The following CYTH3 variants were observed in gnomAD, a reference collection of about 807,000 sequenced individuals.
CYTH3 encodes cytohesin 3.
CYTH3 carries 23 observed loss-of-function variants against 55.1 expected under a neutral mutation model. The observed-to-expected ratio is 0.42, with a 90% CI of 0.30 to 0.59. The LOEUF (loss-of-function observed/expected upper bound fraction) is 0.59. CYTH3 is among the 20% of genes least tolerant of loss of function. The pLI, the probability that CYTH3 is intolerant of heterozygous loss-of-function variation, is 0.20. For missense variants in CYTH3, 413 were observed against 524.8 expected, an observed-to-expected ratio of 0.79 and a Z score of 2.08; for synonymous variants, 249 against 194.9, an observed-to-expected ratio of 1.28 and a Z score of -2.31.
intron 1 of CYTH3, among the ~76,000 whole-genome samples, chr7:6,253,916 C>G (rs528310132): frequency 6.6e-6 from 1 of 151,734 alleles, no homozygotes; most frequent in South Asian, 2.1e-4. Flanking sequence ...TCACTTGAAC[C>G]CGGGAGGCAG....
intron 1 of CYTH3, among the ~76,000 whole-genome samples, chr7:6,233,622 C>T (rs1289765132): frequency 2.7e-5 from 4 of 149,436 alleles, no homozygotes; most frequent in Non-Finnish European, 4.4e-5. Context: ...CGCCACTGCA[C>T]TCCAGCCTGG....
At chr7:6,186,819 G>A (rs183740104) in intron 4 of CYTH3, among the ~76,000 whole-genome samples, 3 of 152,288 alleles carry the variant, frequency 2.0e-5, no homozygotes, top group Admixed American at 2.0e-4. Context: ...TCCTCACCCA[G>A]CAGCTCACTC....
At chr7:6,166,016 A>T (rs1031318874) in intron 9 of CYTH3, among the ~76,000 whole-genome samples, 1 of 152,162 alleles carries the variant, frequency 6.6e-6, no homozygotes, top group Non-Finnish European at 1.5e-5. Context: ...CACGGCACTG[A>T]TGGGCCCCTT....
At chr7:6,207,054 C>T (rs544720102) in intron 1 of CYTH3, among the ~76,000 whole-genome samples, 4 of 148,456 alleles carry the variant, frequency 2.7e-5, no homozygotes, top group Non-Finnish European at 6.0e-5. Flanking sequence ...CCATAAGAAA[C>T]ATTCCAATTT....
chr7:6,189,594 C>G (rs907574139), intron 2 of CYTH3, among the ~76,000 whole-genome samples: 1 of 152,016 alleles, frequency 6.6e-6, no homozygotes, highest in East Asian at 1.9e-4. Context: ...CAGGTGTGAG[C>G]CGCTGTGCCC....
In CYTH3 at chr7:6,165,610, CCTT is replaced by C; in HGVS notation, c.904_906del (p.Lys302del). 1.2e-6 allele frequency: 2 copies of C among 1,614,032 alleles called. No individual in the cohort carries two copies. Among genetic ancestry groups the C allele is most frequent in the Non-Finnish European group, 1.7e-6 (2 of 1,179,958 alleles). The stretch of plus-strand genomic sequence containing the variant: ...TCCAACGGGATGATTCCCCTGGGCT[CCTT>C]ATCCTACAAGAGGAAAGTACACGGC... On this transcript the variant is annotated inframe_deletion, in exon 11 of 13. Transcript: ENST00000350796.
intron 1 of CYTH3, among the ~76,000 whole-genome samples, chr7:6,261,100 CTG>C (rs959491093): frequency 1.3e-4 from 20 of 152,338 alleles, no homozygotes; most frequent in Non-Finnish European, 2.1e-4. Context: ...AGTGAGGACT[CTG>C]GAGGCCAGGA....
chr7:6,184,222 G>A (rs536506858), intron 4 of CYTH3, among the ~76,000 whole-genome samples: 63 of 151,104 alleles, frequency 4.2e-4, no homozygotes, highest in Non-Finnish European at 7.2e-4. Flanking sequence ...CACCACACCC[G>A]GCTAATTTTT....
intron 1 of CYTH3, among the ~76,000 whole-genome samples, chr7:6,204,260 G>A (rs1334542274): frequency 6.6e-6 from 1 of 152,188 alleles, no homozygotes; most frequent in African/African-American, 2.4e-5. Context: ...TCAAGCACAT[G>A]TGAAAAAAGA....
chr7:6,269,777 T>C (rs1462350262), intron 1 of CYTH3, among the ~76,000 whole-genome samples: 4 of 152,200 alleles, frequency 2.6e-5, no homozygotes, highest in African/African-American at 9.7e-5. Flanking sequence ...TTATCTTGCA[T>C]TGAAAGAACA....
rs1409242756 is a variant in CYTH3, at chr7:6,165,313, G to A, written c.1087C>T (p.Pro363Ser). The A allele has an allele frequency of 1.2e-6, 2 of 1,614,052 alleles. No individual in the cohort carries two copies. Among genetic ancestry groups the A allele is most frequent in the South Asian group, 1.1e-5 (1 of 91,086 alleles). Residue 363 changes from proline to serine, a missense_variant, in exon 12 of 13, where the codon CCG (proline) becomes TCG (serine). This residue lies in a region of CYTH3 where 98 missense variants were observed against 115.2 expected (regional missense o/e 0.85). Coordinates refer to ENST00000350796, the MANE Select transcript of CYTH3 (RefSeq NM_004227.4). ...CACTCCTCCTTCTCCTCCGGGCTCG[G>A]GGCTGAGATCCGGTACACCACATGG... ...GNHVVYRISA[P>S]SPEEKEEWMK...
At chr7:6,236,436 C>T (rs1281316289) in intron 1 of CYTH3, among the ~76,000 whole-genome samples, 4 of 150,372 alleles carry the variant, frequency 2.7e-5, no homozygotes, top group Non-Finnish European at 5.9e-5. Flanking sequence ...TCTTGAACTC[C>T]TGGGCTCAAG....
chr7:6,172,370 C>T (rs1423375621), intron 6 of CYTH3, among the ~76,000 whole-genome samples: 1 of 151,698 alleles, frequency 6.6e-6, no homozygotes, highest in Non-Finnish European at 1.5e-5. Context: ...TCAGACTCAA[C>T]ACAACCACCC....
chr7:6,179,181 T>A (rs1334043065), intron 4 of CYTH3, among the ~76,000 whole-genome samples: 1 of 152,138 alleles, frequency 6.6e-6, no homozygotes, highest in African/African-American at 2.4e-5. Context: ...AATCACATGA[T>A]GGAAGACTCT....
chr7:6,259,529 G>A (rs1264924842), intron 1 of CYTH3, among the ~76,000 whole-genome samples: 3 of 150,730 alleles, frequency 2.0e-5, no homozygotes, highest in African/African-American at 4.9e-5. Context: ...ATATTTATCC[G>A]AAATAAATGC....
At chr7:6,247,996 C>T (rs1264831876) in intron 1 of CYTH3, among the ~76,000 whole-genome samples, 1 of 151,886 alleles carries the variant, frequency 6.6e-6, no homozygotes, top group African/African-American at 2.4e-5. Context: ...CCCTAGTTTT[C>T]AGCTTGGCCT....
At chr7:6,165,848 C>A (rs376788276) in intron 9 of CYTH3, 38 bp from the exon 10 acceptor site, 9 of 1,604,168 alleles carry the variant, frequency 5.6e-6, no homozygotes, top group Non-Finnish European at 7.7e-6. Context: ...GCGCTCCGTG[C>A]ACAGGGAGCC....
At position 6,272,585 on chromosome 7, in the gene CYTH3, G is replaced by A. The variant is rs993369667; in HGVS notation, c.-78C>T. On this transcript the variant is annotated 5_prime_UTR_variant, in exon 1 of 13. Transcript: ENST00000350796. ...CGGGCTGGGGACGCCGCCGGAGGGA[G>A]CGCGCAGGCGACCGGGCGGCTCCTC... 1.3e-5 allele frequency: 14 copies of A among 1,100,464 alleles called. No homozygotes were observed. In the African/African-American group the frequency reaches 1.5e-4, roughly 12 times the overall value. 68.2% of individuals were successfully genotyped at this position (1,100,464 alleles called of 1,614,324 possible).
At position 6,193,639 on chromosome 7, in the gene CYTH3, G is replaced by A. The variant is rs141182280; in HGVS notation, c.35-3108C>T. 3.0e-4 allele frequency among the ~76,000 whole-genome samples: 46 copies of A among 152,320 alleles called. No homozygotes were observed. In the South Asian group the frequency reaches 7.0e-3, roughly 23 times the overall value. On this transcript the variant is annotated intron_variant, in intron 1 of 12. Transcript: ENST00000350796. Reference sequence around the variant, plus strand: ...AAGGCTTAGGCTCTGGCTTCACTACGTAACTCTGGAGGGGGCTGTGAAGGA... The same window carrying A: ...AAGGCTTAGGCTCTGGCTTCACTACATAACTCTGGAGGGGGCTGTGAAGGA...
Sources: gnomAD v4.1 joint callset for allele counts (sites outside exome capture counted in the v4.1 genomes callset) on GRCh38, gnomAD v4.1.1 for gene constraint, gnomAD v4.1.1 regional missense constraint, MANE v1.5 for transcripts, NCBI Gene and HGNC (gene_info 2026-07-23, HGNC 2026-07-21) for gene names.